The following KATNAL2 variants were observed in gnomAD, a reference collection of about 807,000 sequenced individuals.
KATNAL2 encodes katanin catalytic subunit A1 like 2, also known as katanin p60 ATPase-containing subunit A-like 2.
Under a neutral mutation model 76.3 loss-of-function variants are expected in KATNAL2, and 52 were observed. The observed-to-expected ratio is 0.68, with a 90% CI of 0.55 to 0.86. The LOEUF (loss-of-function observed/expected upper bound fraction) is 0.86. Ranked by LOEUF, KATNAL2 falls within the 40% of genes least tolerant of loss-of-function variation. The pLI is 0.00. For synonymous variants in KATNAL2, 243 were observed against 244.2 expected, an observed-to-expected ratio of 1.00 and a Z score of 0.05; for missense variants, 660 against 668.9, an observed-to-expected ratio of 0.99 and a Z score of 0.15.
intron 3 of KATNAL2, chr18:47,034,502 C>G (rs376861883): frequency 1.2e-6 from 2 of 1,614,048 alleles, no homozygotes; most frequent in African/African-American, 2.7e-5. Flanking sequence ...AAGCAGGCCC[C>G]GCATGATTTC....
At chr18:46,927,536 C>T (rs2058766602) in intron 1 of KATNAL2, among the ~76,000 whole-genome samples, 1 of 152,134 alleles carries the variant, frequency 6.6e-6, no homozygotes, top group Non-Finnish European at 1.5e-5. Flanking sequence ...TTCATTTCAA[C>T]TTTGGTGAAT....
intron 14 of KATNAL2, among the ~76,000 whole-genome samples, chr18:47,076,763 T>G (rs563062423): frequency 1.3e-5 from 2 of 148,416 alleles, no homozygotes; most frequent in East Asian, 3.9e-4. Flanking sequence ...CAAATGCTAA[T>G]TATATATTAT....
At position 47,063,079 on chromosome 18, in the gene KATNAL2, C is replaced by T. The variant is rs80196369; in HGVS notation, c.648+9C>T. On this transcript the variant is annotated intron_variant, in intron 9 of 17. Transcript: ENST00000683218. Reference sequence around the variant, plus strand: ...ATAATCCAGACCCCTCAGTAAGTGGCGAAGATGTGACATTCATCTTTCAAA... The same window carrying T: ...ATAATCCAGACCCCTCAGTAAGTGGTGAAGATGTGACATTCATCTTTCAAA... The T allele has an allele frequency of 0.012, 18,554 of 1,607,310 alleles. 213 individuals carry two copies. The highest frequency in any genetic ancestry group is 0.056 in the East Asian group (2,519 of 44,854).
chr18:47,050,048 G>C (rs1008399431), intron 4 of KATNAL2, among the ~76,000 whole-genome samples: 1 of 152,010 alleles, frequency 6.6e-6, no homozygotes, highest in African/African-American at 2.4e-5. Flanking sequence ...TCGTTGTTTT[G>C]TTTTGTTTTT....
At chr18:47,064,250 G>A (rs1411364976) in intron 10 of KATNAL2, among the ~76,000 whole-genome samples, 1 of 152,052 alleles carries the variant, frequency 6.6e-6, no homozygotes, top group East Asian at 1.9e-4. Context: ...GAAGGAGGGA[G>A]GGGTGGGGAA....
chr18:46,937,471 G>A (rs1223463582), intron 1 of KATNAL2, among the ~76,000 whole-genome samples: 2 of 151,956 alleles, frequency 1.3e-5, no homozygotes, highest in East Asian at 3.9e-4. Flanking sequence ...AAACAGAAAA[G>A]AACACTAGGT....
intron 3 of KATNAL2, 71 bp downstream of exon 3, chr18:46,946,994 G>A (rs147040526): frequency 4.6e-6 from 5 of 1,089,422 alleles, no homozygotes; most frequent in Non-Finnish European, 5.4e-6. Flanking sequence ...GGACGATTCC[G>A]AGTCTCCGGT....
chr18:46,957,276 GAC>G (rs1459708573), intron 3 of KATNAL2, among the ~76,000 whole-genome samples: 18 of 102,346 alleles, frequency 1.8e-4, no homozygotes, highest in Non-Finnish European at 2.5e-4. Flanking sequence ...TTTTTTTTGA[GAC>G]GGAGTCTCGC....
intron 3 of KATNAL2, among the ~76,000 whole-genome samples, chr18:47,038,163 G>A (rs2060844723): frequency 1.3e-5 from 2 of 152,208 alleles, no homozygotes; most frequent in African/African-American, 4.8e-5. Context: ...AAAACCCTGA[G>A]TAAGCCTGTC....
chr18:46,965,594 C>CCG (rs1569032503), intron 3 of KATNAL2, among the ~76,000 whole-genome samples: 3 of 101,850 alleles, frequency 2.9e-5, no homozygotes, highest in South Asian at 3.1e-4. Context: ...CCCCCCCCCC[C>CCG]GCCCCCAACG....
chr18:47,052,849 A>C lies in KATNAL2; in HGVS notation c.123-31A>C, dbSNP rs547987975. On this transcript the variant is annotated intron_variant, in intron 4 of 17. Transcript: ENST00000683218. ...GCCATTATTCTTTTCACCTCAGTTAATTTCTTCTTTTTATTCTGTGAAACT... is the reference window on the plus strand; with the variant it reads ...GCCATTATTCTTTTCACCTCAGTTACTTTCTTCTTTTTATTCTGTGAAACT... 2.0e-6 allele frequency: 3 copies of C among 1,533,364 alleles called. No individual in the cohort carries two copies. The South Asian group carries it at 3.7e-5, about 19-fold the overall frequency. The allele number at this position is 1,533,364 out of a possible 1,614,324, so 95.0% of individuals were successfully genotyped here.
At chr18:46,945,563 G>A (rs899130375) in intron 1 of KATNAL2, among the ~76,000 whole-genome samples, 1 of 152,176 alleles carries the variant, frequency 6.6e-6, no homozygotes, top group African/African-American at 2.4e-5. Context: ...AAGGGTGGAA[G>A]CAAGGCATAG....
chr18:46,920,930 C>A (rs969812910), intron 1 of KATNAL2, among the ~76,000 whole-genome samples: 3 of 152,184 alleles, frequency 2.0e-5, no homozygotes, highest in African/African-American at 7.2e-5. Flanking sequence ...CTGAACTCTT[C>A]TACCAGAGGA....
At chr18:46,936,323 A>T (rs1057506989) in intron 1 of KATNAL2, among the ~76,000 whole-genome samples, 2 of 152,238 alleles carry the variant, frequency 1.3e-5, no homozygotes, top group African/African-American at 4.8e-5. Context: ...AAGTGCCCAT[A>T]AATTTTAAAG....
At chr18:47,031,281 T>C (rs1426049679) in intron 3 of KATNAL2, among the ~76,000 whole-genome samples, 1 of 151,936 alleles carries the variant, frequency 6.6e-6, no homozygotes, top group Non-Finnish European at 1.5e-5. Context: ...GGCAGCGGAG[T>C]TCCACTCTTA....
rs538186045 is a variant in KATNAL2, at chr18:47,040,893, G to T, written c.52-5564G>T. ...TAAATGCAGCTTGGGGGAAGACTGT[G>T]GTCATTAATCTATATTGAATACAAT... On this transcript the variant is annotated intron_variant, in intron 3 of 17. Coordinates refer to ENST00000683218, the MANE Select transcript of KATNAL2 (RefSeq NM_001387690.1). Among the ~76,000 whole-genome samples, 219 of 152,276 alleles carry T rather than the reference G, an allele frequency of 1.4e-3. 1 individual carries two copies. The highest frequency in any genetic ancestry group is 5.0e-3 in the African/African-American group (208 of 41,530).
chr18:47,088,699 G>GACCACAGACGTGTGCC (rs1197725802), intron 15 of KATNAL2, among the ~76,000 whole-genome samples: 1 of 152,078 alleles, frequency 6.6e-6, no homozygotes, highest in Non-Finnish European at 1.5e-5. Flanking sequence ...CCACCTCAGG[G>GACCACAGACGTGTGCC]ACCACAGACG....
intron 3 of KATNAL2, chr18:47,032,982 T>C (rs1319435211): frequency 1.9e-6 from 3 of 1,613,804 alleles, no homozygotes; most frequent in Non-Finnish European, 2.5e-6. Context: ...CCAGATTTTA[T>C]CTGCAAGGCA....
intron 3 of KATNAL2, among the ~76,000 whole-genome samples, chr18:46,957,009 C>A (rs938726323): frequency 1.3e-5 from 2 of 149,008 alleles, no homozygotes; most frequent in African/African-American, 5.0e-5. Context: ...TGCCATTCAG[C>A]CTGGGACACA....
Sources: gnomAD v4.1 joint callset for allele counts (sites outside exome capture counted in the v4.1 genomes callset) on GRCh38, gnomAD v4.1.1 for gene constraint, MANE v1.5 for transcripts, NCBI Gene and HGNC (gene_info 2026-07-23, HGNC 2026-07-21) for gene names.